Variants in LMNTD1 observed in about 807,000 individuals in gnomAD.
LMNTD1 encodes the protein lamin tail domain-containing protein 1.
LMNTD1 carries 35 observed loss-of-function variants against 50.9 expected under a neutral mutation model. The ratio of observed to expected loss-of-function variants is 0.69; its 90% CI spans 0.53 to 0.91. The LOEUF is 0.91. Ranked by LOEUF, LMNTD1 falls within the 40% of genes least tolerant of loss-of-function variation. LMNTD1 has a pLI of 0.00. For missense variants in LMNTD1, 470 were observed against 475.5 expected (o/e 0.99, Z 0.11); for synonymous variants, 153 against 161.9 (o/e 0.94, Z 0.42).
In LMNTD1 at chr12:25,568,780, A is replaced by G. The variant is rs1944663370; in HGVS notation, c.59-22226T>C. 2.6e-5 allele frequency among the ~76,000 whole-genome samples: 4 copies of G among 152,192 alleles called. No homozygotes were observed. In the South Asian group the frequency reaches 8.3e-4, roughly 31 times the overall value. ...CTATTTATTCCTTGGCAGCTTCCACATGATGTTAAGCCTGCAGGTGCACAG... is the reference window on the plus strand; with the variant it reads ...CTATTTATTCCTTGGCAGCTTCCACGTGATGTTAAGCCTGCAGGTGCACAG... On this transcript the variant is annotated intron_variant, in intron 1 of 7. Transcript: ENST00000445693.
Position 25,513,289 on chromosome 12 carries a change from A to T in LMNTD1, c.1189+5506T>A, listed in dbSNP as rs147012545. The stretch of plus-strand genomic sequence containing the variant: ...TGCAATAATGCAAGAACACGATATA[A>T]ATTTATAAGCATTGGAAAGAAAGGA... On this transcript the variant is annotated intron_variant, in intron 8 of 9. Transcript: ENST00000458174. 1.4e-4 allele frequency among the ~76,000 whole-genome samples: 21 copies of T among 152,320 alleles called. 1 individual carries two copies. Among genetic ancestry groups the T allele is most frequent in the African/African-American group, 4.6e-4 (19 of 41,558 alleles).
At chr12:25,552,455 A>C (rs1943808207) in intron 2 of LMNTD1, among the ~76,000 whole-genome samples, 1 of 151,846 alleles carries the variant, frequency 6.6e-6, no homozygotes. Flanking sequence ...AAATACAAAA[A>C]ATTAGCCGGG....
At chr12:25,488,996 C>T (rs2135916349) in intron 9 of LMNTD1, among the ~76,000 whole-genome samples, 1 of 152,272 alleles carries the variant, frequency 6.6e-6, no homozygotes, top group East Asian at 1.9e-4. Flanking sequence ...CTCAGATCTC[C>T]AGCTGTGTGC....
At chr12:25,640,560 A>G (rs1946937213) in intron 1 of LMNTD1, among the ~76,000 whole-genome samples, 1 of 152,174 alleles carries the variant, frequency 6.6e-6, no homozygotes, top group South Asian at 2.1e-4. Flanking sequence ...ATGTGTATAT[A>G]TTAAGAATCA....
chr12:25,596,986 A>G (rs1194186416), intron 1 of LMNTD1, among the ~76,000 whole-genome samples: 1 of 152,080 alleles, frequency 6.6e-6, no homozygotes, highest in Non-Finnish European at 1.5e-5. Context: ...TTAAGTTGTT[A>G]TCAGCTTAAA....
At chr12:25,521,196 G>A (rs1051053246) in intron 6 of LMNTD1, among the ~76,000 whole-genome samples, 4 of 151,588 alleles carry the variant, frequency 2.6e-5, no homozygotes, top group African/African-American at 9.7e-5. Context: ...TTCCTTTGCT[G>A]TGCAGAAGCT....
At chr12:25,519,656 C>T (rs1005981385) in intron 7 of LMNTD1, among the ~76,000 whole-genome samples, 5 of 150,026 alleles carry the variant, frequency 3.3e-5, no homozygotes, top group African/African-American at 9.8e-5. Flanking sequence ...AGATCGCCAG[C>T]CTTCATTGCC....
chr12:25,477,525 G>A (rs1938308991), intron 9 of LMNTD1, among the ~76,000 whole-genome samples: 1 of 152,160 alleles, frequency 6.6e-6, no homozygotes, highest in Admixed American at 6.5e-5. Flanking sequence ...CTGGTTAAGA[G>A]TAAGAGATCA....
intron 1 of LMNTD1, among the ~76,000 whole-genome samples, chr12:25,559,448 A>T (rs904932746): frequency 1.3e-5 from 2 of 152,176 alleles, no homozygotes; most frequent in Admixed American, 1.3e-4. Context: ...TCTATCATTG[A>T]TGGACATTTG....
intron 1 of LMNTD1, among the ~76,000 whole-genome samples, chr12:25,581,878 T>G (rs576552412): frequency 2.4e-4 from 37 of 152,314 alleles, no homozygotes; most frequent in Middle Eastern, 3.4e-3. Context: ...TATCTAAACA[T>G]AGAAAGACTA....
intron 1 of LMNTD1, among the ~76,000 whole-genome samples, chr12:25,584,806 A>T (rs893053263): frequency 2.0e-5 from 3 of 152,204 alleles, no homozygotes; most frequent in Non-Finnish European, 4.4e-5. Context: ...GAAAATTTTC[A>T]TCATAGACTG....
intron 4 of LMNTD1, among the ~76,000 whole-genome samples, chr12:25,529,032 C>T (rs1942026023): frequency 6.6e-6 from 1 of 152,168 alleles, no homozygotes; most frequent in South Asian, 2.1e-4. Context: ...ACCCAGATGA[C>T]CAATGCCCTT....
chr12:25,518,592 A>G (rs1940977006), intron 8 of LMNTD1, among the ~76,000 whole-genome samples: 1 of 152,158 alleles, frequency 6.6e-6, no homozygotes, highest in South Asian at 2.1e-4. Context: ...TCAAAGACAG[A>G]TGTTTATCTA....
intron 1 of LMNTD1, among the ~76,000 whole-genome samples, chr12:25,558,761 C>T (rs184146785): frequency 8.5e-5 from 13 of 152,094 alleles, no homozygotes; most frequent in African/African-American, 1.2e-4. Flanking sequence ...CTTTATAAAA[C>T]CATCAGATGT....
intron 1 of LMNTD1, among the ~76,000 whole-genome samples, chr12:25,614,012 G>A (rs1725498887): frequency 6.6e-6 from 1 of 151,986 alleles, no homozygotes; most frequent in South Asian, 2.1e-4. Flanking sequence ...ATGGACAAAG[G>A]AAGAGAGTGG....
intron 9 of LMNTD1, among the ~76,000 whole-genome samples, chr12:25,482,548 A>C (rs1938478968): frequency 6.6e-6 from 1 of 152,020 alleles, no homozygotes; most frequent in Non-Finnish European, 1.5e-5. Flanking sequence ...AAATCAGCTA[A>C]ATTTTGAATA....
intron 1 of LMNTD1, among the ~76,000 whole-genome samples, chr12:25,568,690 C>T (rs1944660032): frequency 6.6e-6 from 1 of 152,216 alleles, no homozygotes; most frequent in South Asian, 2.1e-4. Flanking sequence ...TTCTGCAGCT[C>T]CAGCTTCAGC....
chr12:25,554,881 T>G (rs938481286), upstream of LMNTD1, among the ~76,000 whole-genome samples: 1 of 151,930 alleles, frequency 6.6e-6, no homozygotes, highest in Non-Finnish European at 1.5e-5. Flanking sequence ...CTGGCCAACA[T>G]GATGAAACCC....
chr12:25,527,233 T>G (rs2666787), intron 4 of LMNTD1, among the ~76,000 whole-genome samples: 116,919 of 151,884 alleles, frequency 0.77, 45,810 homozygotes, highest in East Asian at 0.87. Flanking sequence ...CACAGGAAGT[T>G]GAGAATTATA....
Sources: gnomAD v4.1 joint callset for allele counts (sites outside exome capture counted in the v4.1 genomes callset) on GRCh38, gnomAD v4.1.1 for gene constraint, MANE v1.5 for transcripts, NCBI Gene and HGNC (gene_info 2026-07-23, HGNC 2026-07-21) for gene names.